SOX6: variants seen among roughly 807,000 people sequenced by gnomAD.
The protein encoded by SOX6 is transcription factor SOX-6.
In SOX6, 11 loss-of-function variants were observed where a neutral mutation model predicts 97.8. That is an observed-to-expected ratio of 0.11 (90% CI 0.07 to 0.19). The LOEUF is 0.19. Among genes scored for constraint, SOX6 ranks in the 10% least tolerant of loss-of-function variants. The pLI is 1.00. For synonymous variants in SOX6, 360 were observed against 371.4 expected (o/e 0.97, Z 0.35); for missense variants, 810 against 1,039.5 (o/e 0.78, Z 3.04).
chr11:16,550,112 T>C (rs1193607337), intron 4 of SOX6, among the ~76,000 whole-genome samples: 2 of 152,136 alleles, frequency 1.3e-5, no homozygotes, highest in Non-Finnish European at 2.9e-5. Context: ...GTGGCACATA[T>C]ACACCATGGA....
rs1849307187 is a variant in SOX6 at position 16,114,738 on chromosome 11, G to A, written c.778-2815C>T. ...GAAAACCATGAGAAAGAAGAGGTGG[G>A]AATACATGCTCATTTGAACATGTAT... On this transcript the variant is annotated intron_variant, in intron 6 of 15. Coordinates refer to ENST00000683767, the MANE Select transcript of SOX6 (RefSeq NM_001367873.1). Among the ~76,000 whole-genome samples the A allele has an allele frequency of 2.6e-5, 4 of 152,106 alleles. No individual in the cohort carries two copies. The South Asian group carries it at 8.3e-4, about 32-fold the overall frequency.
intron 6 of SOX6, among the ~76,000 whole-genome samples, chr11:16,168,028 G>A (rs1336733774): frequency 1.6e-4 from 25 of 152,028 alleles, no homozygotes; most frequent in Admixed American, 1.6e-3. Context: ...ATAGTCAATA[G>A]GACACCATTG....
Position 16,318,645 on chromosome 11 carries a change from C to T in SOX6, c.246G>A (p.Glu82=). The change falls in exon 3 of 16, where the codon GAG becomes GAA. Residue 82 remains glutamate, a synonymous_variant. Transcript: ENST00000683767. ...AATATAGGGAACATAACTTATTATT[C>T]TCTGATTCCTAGAAAAATAAAATAA... ...VLSSQQRMES[E]NNKLCSLYSF... The T allele has an allele frequency of 6.2e-7, 1 of 1,611,558 alleles. No individual in the cohort carries two copies. The highest frequency in any genetic ancestry group is 8.5e-7 in the Non-Finnish European group (1 of 1,178,142).
intron 4 of SOX6, among the ~76,000 whole-genome samples, chr11:16,560,548 T>A (rs1028591251): frequency 8.7e-6 from 1 of 115,190 alleles, no homozygotes; most frequent in African/African-American, 3.0e-5. Context: ...TATACGTACA[T>A]ATGTTTATAC....
upstream of SOX6, among the ~76,000 whole-genome samples, chr11:16,480,959 T>A (rs184389144): frequency 8.6e-4 from 131 of 152,266 alleles, no homozygotes; most frequent in African/African-American, 3.0e-3. Context: ...TCTTCTCAAC[T>A]AACTTTTAGG....
At chr11:16,254,026 A>G (rs1484272805) in intron 3 of SOX6, among the ~76,000 whole-genome samples, 1 of 152,098 alleles carries the variant, frequency 6.6e-6, no homozygotes, top group Non-Finnish European at 1.5e-5. Context: ...CAAAGAAAAG[A>G]ATTACATATG....
At chr11:16,258,948 C>T (rs1853786835) in intron 3 of SOX6, among the ~76,000 whole-genome samples, 1 of 150,420 alleles carries the variant, frequency 6.6e-6, no homozygotes, top group African/African-American at 2.4e-5. Context: ...ACTCTCTGTA[C>T]TTTGCACTCT....
intron 3 of SOX6, among the ~76,000 whole-genome samples, chr11:16,281,774 T>A (rs1173752933): frequency 6.6e-6 from 1 of 151,650 alleles, no homozygotes; most frequent in Non-Finnish European, 1.5e-5. Context: ...TATAAAAGAT[T>A]CAAAAAGGTT....
At chr11:16,227,033 G>A (rs1852708369) in intron 4 of SOX6, among the ~76,000 whole-genome samples, 1 of 152,072 alleles carries the variant, frequency 6.6e-6, no homozygotes, top group Admixed American at 6.6e-5. Flanking sequence ...GAGCGACCCT[G>A]AACAAGATAC....
chr11:16,117,214 A>G (rs1252658462), intron 6 of SOX6, among the ~76,000 whole-genome samples: 1 of 152,008 alleles, frequency 6.6e-6, no homozygotes, highest in East Asian at 1.9e-4. Flanking sequence ...TTAGCTGGGC[A>G]TGGTGGGGTG....
chr11:16,429,487 T>G (rs548016763), intron 1 of SOX6, among the ~76,000 whole-genome samples: 1 of 152,292 alleles, frequency 6.6e-6, no homozygotes, highest in East Asian at 1.9e-4. Context: ...TGGAATACTA[T>G]GCAGACATTT....
chr11:16,369,856 T>C (rs925388457), intron 1 of SOX6, among the ~76,000 whole-genome samples: 1 of 152,152 alleles, frequency 6.6e-6, no homozygotes, highest in Non-Finnish European at 1.5e-5. Flanking sequence ...TGAGAGAGAC[T>C]AGTAAGAAAC....
At chr11:16,022,315 C>CTTCT (rs1855083806) in intron 12 of SOX6, among the ~76,000 whole-genome samples, 2 of 146,012 alleles carry the variant, frequency 1.4e-5, no homozygotes, top group Non-Finnish European at 3.0e-5. Context: ...TTTTTCCTTC[C>CTTCT]TTCCTTCCTT....
intron 3 of SOX6, among the ~76,000 whole-genome samples, chr11:16,248,967 GGCACAT>G (rs1233617223): frequency 6.6e-6 from 1 of 152,052 alleles, no homozygotes; most frequent in African/African-American, 2.4e-5. Flanking sequence ...TGGGCATGGT[GGCACAT>G]GCCTGTAGTC....
At chr11:16,015,148 A>G in intron 12 of SOX6, 98 bp from the exon 13 acceptor site, 2 of 1,007,730 alleles carry the variant, frequency 2.0e-6, no homozygotes, top group Non-Finnish European at 3.1e-6. Flanking sequence ...GGTGAATTCA[A>G]AAATATCATT....
At chr11:16,047,914 T>G (rs1356993909) in intron 11 of SOX6, among the ~76,000 whole-genome samples, 1 of 152,106 alleles carries the variant, frequency 6.6e-6, no homozygotes, top group African/African-American at 2.4e-5. Flanking sequence ...ACAGCTTTTA[T>G]TTTGGAGCTT....
At chr11:16,046,439 G>T in intron 12 of SOX6, 75 bp downstream of exon 12, 1 of 1,529,206 alleles carries the variant, frequency 6.5e-7, no homozygotes, top group Non-Finnish European at 9.0e-7. Flanking sequence ...GTTGATACCT[G>T]GGAGCCTGGA....
At chr11:16,693,330 T>G (rs1385124403) in intron 3 of SOX6, among the ~76,000 whole-genome samples, 2 of 152,140 alleles carry the variant, frequency 1.3e-5, no homozygotes, top group African/African-American at 2.4e-5. Context: ...TGGTGGTGAT[T>G]TGATTTACCT....
intron 1 of SOX6, among the ~76,000 whole-genome samples, chr11:16,383,220 C>G (rs936597361): frequency 6.6e-6 from 1 of 151,812 alleles, no homozygotes; most frequent in African/African-American, 2.4e-5. Context: ...TAGACTCTTC[C>G]ACACTTATGT....
Sources: gnomAD v4.1 joint callset for allele counts (sites outside exome capture counted in the v4.1 genomes callset) on GRCh38, gnomAD v4.1.1 for gene constraint, MANE v1.5 for transcripts, NCBI Gene and HGNC (gene_info 2026-07-23, HGNC 2026-07-21) for gene names.